The following WNT2B variants were observed in gnomAD, a reference collection of about 807,000 sequenced individuals.
WNT2B encodes Wnt family member 2B.
Under a neutral mutation model 40.5 loss-of-function variants are expected in WNT2B, and 19 were observed. That is an observed-to-expected ratio of 0.47 (90% CI 0.33 to 0.69). The LOEUF is 0.69. WNT2B is among the 30% of genes least tolerant of loss of function. WNT2B has a pLI of 0.02. For missense variants in WNT2B, 467 were observed against 556.4 expected (o/e 0.84, Z 1.62); for synonymous variants, 220 against 211.9 (o/e 1.04, Z -0.33).
chr1:112,476,995 G>A (rs796349650), intron 1 of WNT2B, among the ~76,000 whole-genome samples: 1 of 152,226 alleles, frequency 6.6e-6, no homozygotes, highest in African/African-American at 2.4e-5. Context: ...TCAAATACCA[G>A]CACCACTACC....
At chr1:112,516,683 C>T (rs1379441787) in intron 3 of WNT2B, among the ~76,000 whole-genome samples, 2 of 152,190 alleles carry the variant, frequency 1.3e-5, no homozygotes, top group African/African-American at 4.8e-5. Flanking sequence ...AAAGAACTGC[C>T]TTCATAAAGA....
chr1:112,522,230 A>G lies in WNT2B; in HGVS notation c.*1721A>G, dbSNP rs1328475454. ...ATAGTTTTCAGAGATGGAGCTCACT[A>G]TGTTGCCCAGGCTGGTCTTGAATTC... On this transcript the variant is annotated 3_prime_UTR_variant, in exon 5 of 5. Transcript: ENST00000369684. 1.3e-5 allele frequency: 2 copies of G among 151,804 alleles called. No homozygotes were observed. Among genetic ancestry groups the G allele is most frequent in the East Asian group, 3.9e-4 (2 of 5,170 alleles). 9.4% of individuals were successfully genotyped at this position (151,804 alleles called of 1,614,324 possible). A position where few individuals can be genotyped will look rare whatever the true frequency, so the allele number is the denominator to read the frequency against.
rs1330239040 is a variant in WNT2B at position 112,516,353 on chromosome 1, A to G, written c.617A>G (p.Lys206Arg). The G allele has an allele frequency of 6.2e-7, 1 of 1,614,056 alleles. No individual in the cohort carries two copies. The highest frequency in any genetic ancestry group is 2.2e-5 in the East Asian group (1 of 44,850). The change falls in exon 3 of 5, where the codon AAG (lysine) becomes AGG (arginine). Residue 206 changes from lysine to arginine, a missense_variant. By Grantham distance (26) the Lys-to-Arg change is conservative. Coordinates refer to ENST00000369684, the MANE Select transcript of WNT2B (RefSeq NM_024494.3). ...TTTGCCAAGGCCTTCGTGGATGCCA[A>G]GGAGAAGAGGCTTAAGGATGCCCGG... ...VRFAKAFVDA[K>R]EKRLKDARAL...
At chr1:112,469,859 C>A (rs553154903) in intron 1 of WNT2B, among the ~76,000 whole-genome samples, 1 of 152,304 alleles carries the variant, frequency 6.6e-6, no homozygotes. Context: ...GGTGATCTAC[C>A]TATCTTGGCC....
chr1:112,491,051 C>A, intron 1 of WNT2B: 1 of 1,614,106 alleles, frequency 6.2e-7, no homozygotes, highest in South Asian at 1.1e-5. Flanking sequence ...GGCATACCTA[C>A]ACAGTCAGCG....
chr1:112,472,254 G>C (rs1240945526), intron 1 of WNT2B, among the ~76,000 whole-genome samples: 5 of 152,166 alleles, frequency 3.3e-5, no homozygotes, highest in Non-Finnish European at 2.9e-5. Flanking sequence ...TTGGATGTAA[G>C]ACAGCTTCAG....
chr1:112,496,349 C>T (rs542640855), intron 1 of WNT2B, among the ~76,000 whole-genome samples: 1 of 152,128 alleles, frequency 6.6e-6, no homozygotes, highest in African/African-American at 2.4e-5. Flanking sequence ...CTCTGGCCCC[C>T]ACAAAGTCAT....
upstream of WNT2B, among the ~76,000 whole-genome samples, chr1:112,508,391 G>C (rs1443054665): frequency 6.6e-6 from 1 of 151,354 alleles, no homozygotes; most frequent in Admixed American, 6.6e-5. The surrounding 1 kb of genome is among the most constrained non-coding windows in gnomAD (Gnocchi z 4.2). Context: ...ATTGGGGGTG[G>C]GGGGTGCAGT....
chr1:112,513,795 C>A (rs1023114785), intron 1 of WNT2B, among the ~76,000 whole-genome samples: 4 of 152,114 alleles, frequency 2.6e-5, no homozygotes, highest in Non-Finnish European at 2.9e-5. Flanking sequence ...TAAAAAGTTC[C>A]CAGCAAATCA....
rs1557905692 is a variant in WNT2B, at chr1:112,473,073, A to AGAAAGGAAGAAAG, written c.-95+5482_-95+5483insGAAAGGAAGAAAG. On this transcript the variant is annotated intron_variant, in intron 1 of 4. Transcript: ENST00000256640. ...AGGAAAGAAAAAGGAAAGGAAGAAA[A>AGAAAGGAAGAAAG]AGAAAGAAAGAAACACGGAAGGAGG... Among the ~76,000 whole-genome samples the AGAAAGGAAGAAAG allele has an allele frequency of 9.7e-3, 1,422 of 145,932 alleles. 35 individuals are homozygous for AGAAAGGAAGAAAG. The highest frequency in any genetic ancestry group is 0.035 in the African/African-American group (1,332 of 37,970).
intron 1 of WNT2B, among the ~76,000 whole-genome samples, chr1:112,473,077 A>AAGGAAGAAAG (rs1437053427): frequency 3.4e-5 from 5 of 147,652 alleles, no homozygotes; most frequent in African/African-American, 1.3e-4. Flanking sequence ...AAGAAAAAGA[A>AAGGAAGAAAG]AGAAAGAAAC....
chr1:112,492,162 C>T (rs1651622365), intron 1 of WNT2B, among the ~76,000 whole-genome samples: 1 of 152,138 alleles, frequency 6.6e-6, no homozygotes, highest in Non-Finnish European at 1.5e-5. Context: ...AAAAGACACT[C>T]AAGATTTAGC....
At chr1:112,473,866 C>G (rs1200409471) in intron 1 of WNT2B, among the ~76,000 whole-genome samples, 3 of 149,486 alleles carry the variant, frequency 2.0e-5, no homozygotes, top group Admixed American at 6.7e-5. Flanking sequence ...ATTATCCTGG[C>G]TAACACAGTG....
Position 112,520,662 on chromosome 1 carries a change from TG to T in WNT2B, c.*155del, listed in dbSNP as rs1652823777. 3.8e-6 allele frequency: 3 copies of T among 799,590 alleles called. No individual in the cohort carries two copies. The highest frequency in any genetic ancestry group is 5.9e-6 in the Non-Finnish European group (3 of 506,532). The allele number at this position is 799,590 out of a possible 1,614,324, so 49.5% of individuals were successfully genotyped here. The stretch of plus-strand genomic sequence containing the variant: ...GTAATCCATAGGGACCATGGTGTCC[TG>T]GCTGGTTCCTTAGCCCTGGGAAGGA... On this transcript the variant is annotated 3_prime_UTR_variant, in exon 5 of 5. Coordinates refer to ENST00000369684, the MANE Select transcript of WNT2B (RefSeq NM_024494.3).
chr1:112,511,515 A>G (rs756854029), intron 1 of WNT2B, among the ~76,000 whole-genome samples: 2 of 152,236 alleles, frequency 1.3e-5, no homozygotes, highest in African/African-American at 2.4e-5. Context: ...CCCGTGGAAG[A>G]GAAATGCCTG....
rs113309488 is a variant in WNT2B, at chr1:112,517,657, C to T, written c.946+272C>T. 3,970 of 424,238 alleles carry T rather than the reference C, an allele frequency of 9.4e-3. 121 individuals are homozygous for T. Among genetic ancestry groups the T allele is most frequent in the African/African-American group, 0.068 (3,519 of 51,598 alleles). The allele number at this position is 424,238 out of a possible 1,614,324, so 26.3% of individuals were successfully genotyped here. ...CATCTGGGATACAGTAGGCATTATT[C>T]AGGGTATGTTTAACTTAGTTACCTG... On this transcript the variant is annotated intron_variant, in intron 4 of 4. Coordinates refer to ENST00000369684, the MANE Select transcript of WNT2B (RefSeq NM_024494.3).
intron 1 of WNT2B, among the ~76,000 whole-genome samples, chr1:112,501,204 G>C (rs1651941036): frequency 6.6e-6 from 1 of 152,144 alleles, no homozygotes; most frequent in African/African-American, 2.4e-5. Context: ...CGGGGTAATG[G>C]GGAGGAGGAC....
chr1:112,495,973 C>T (rs150855870), intron 1 of WNT2B, among the ~76,000 whole-genome samples: 1,527 of 152,170 alleles, frequency 0.01, 19 homozygotes, highest in African/African-American at 0.035. Flanking sequence ...TCTGTGAAGC[C>T]CTTATATAAG....
At chr1:112,475,782 A>G (rs1013679490) in intron 1 of WNT2B, among the ~76,000 whole-genome samples, 1 of 152,194 alleles carries the variant, frequency 6.6e-6, no homozygotes, top group African/African-American at 2.4e-5. Flanking sequence ...AACCTATGGT[A>G]GAAAAATAAC....
Sources: gnomAD v4.1 joint callset for allele counts (sites outside exome capture counted in the v4.1 genomes callset) on GRCh38, gnomAD v4.1.1 for gene constraint, Gnocchi (gnomAD v3.1) non-coding constraint, MANE v1.5 for transcripts, NCBI Gene and HGNC (gene_info 2026-07-23, HGNC 2026-07-21) for gene names.